The following FAF1 variants were observed in gnomAD, a reference collection of about 807,000 sequenced individuals.
FAF1 encodes the protein Fas associated factor 1.
Under a neutral mutation model 92.5 loss-of-function variants are expected in FAF1, and 25 were observed. The ratio of observed to expected loss-of-function variants is 0.27; its 90% CI spans 0.20 to 0.38. The LOEUF (loss-of-function observed/expected upper bound fraction) is 0.38, where lower values mean the gene tolerates loss of function less well. Ranked by LOEUF, FAF1 falls within the 10% of genes least tolerant of loss-of-function variation. The pLI is 1.00. For synonymous variants in FAF1, 234 were observed against 273.2 expected, an observed-to-expected ratio of 0.86 and a Z score of 1.42; for missense variants, 636 against 793.3, an observed-to-expected ratio of 0.80 and a Z score of 2.38.
At chr1:50,561,060 C>T (rs1572834732) in intron 13 of FAF1, among the ~76,000 whole-genome samples, 2 of 152,172 alleles carry the variant, frequency 1.3e-5, no homozygotes, top group Admixed American at 6.5e-5. Context: ...TCTAGCACTC[C>T]GGGCCTGGGA....
At chr1:50,954,540 ATTTTTTTT>A (rs199964324) in intron 1 of FAF1, among the ~76,000 whole-genome samples, 1 of 120,372 alleles carries the variant, frequency 8.3e-6, no homozygotes, top group Non-Finnish European at 1.7e-5. Flanking sequence ...AAAAATTTTG[ATTTTTTTT>A]TTTTTTTTTT....
chr1:50,676,441 A>C (rs1187110249), intron 7 of FAF1, among the ~76,000 whole-genome samples: 3 of 151,818 alleles, frequency 2.0e-5, no homozygotes, highest in Non-Finnish European at 4.4e-5. Flanking sequence ...AAATGAAACT[A>C]ATTTATTTGC....
At chr1:50,579,411 T>C (rs938165276) in intron 12 of FAF1, among the ~76,000 whole-genome samples, 1 of 152,136 alleles carries the variant, frequency 6.6e-6, no homozygotes, top group Non-Finnish European at 1.5e-5. Flanking sequence ...CTTCAACTAC[T>C]GGTAAGCAGA....
intron 15 of FAF1, among the ~76,000 whole-genome samples, chr1:50,525,039 C>T (rs1647720450): frequency 6.6e-6 from 1 of 152,120 alleles, no homozygotes; most frequent in Non-Finnish European, 1.5e-5. Flanking sequence ...GCACCTGCTA[C>T]CATGCCTGGC....
intron 8 of FAF1, among the ~76,000 whole-genome samples, chr1:50,616,231 A>G (rs973446875): frequency 1.3e-5 from 2 of 152,128 alleles, no homozygotes; most frequent in Non-Finnish European, 2.9e-5. Context: ...TTTTGTATCA[A>G]TACCATGCTA....
intron 15 of FAF1, among the ~76,000 whole-genome samples, chr1:50,505,430 G>T (rs1572792358): frequency 6.6e-6 from 1 of 152,142 alleles, no homozygotes. Context: ...AATTTTGGGG[G>T]TGTGTGTATG....
At chr1:50,674,376 C>G (rs1454911947) in intron 7 of FAF1, among the ~76,000 whole-genome samples, 2 of 151,972 alleles carry the variant, frequency 1.3e-5, no homozygotes, top group Non-Finnish European at 2.9e-5. Flanking sequence ...GTTACTCACA[C>G]TATTCACTTA....
chr1:50,827,499 C>T (rs537413670), intron 2 of FAF1, among the ~76,000 whole-genome samples: 10 of 152,212 alleles, frequency 6.6e-5, no homozygotes, highest in East Asian at 3.9e-4. Context: ...TGCGGAAGGC[C>T]GCAGGGACCT....
intron 8 of FAF1, among the ~76,000 whole-genome samples, chr1:50,621,361 G>A (rs572301496): frequency 5.9e-5 from 9 of 151,714 alleles, no homozygotes; most frequent in East Asian, 1.9e-4. Flanking sequence ...CCAGTCTTAC[G>A]GGGAAGTTAG....
intron 4 of FAF1, among the ~76,000 whole-genome samples, chr1:50,753,906 C>T (rs1398922368): frequency 2.0e-5 from 3 of 151,796 alleles, no homozygotes; most frequent in Admixed American, 6.6e-5. Context: ...TACAGGGGTA[C>T]GCCACCATGC....
intron 13 of FAF1, among the ~76,000 whole-genome samples, chr1:50,559,588 G>T (rs1320843023): frequency 6.6e-6 from 1 of 152,152 alleles, no homozygotes; most frequent in Non-Finnish European, 1.5e-5. Flanking sequence ...TTGTTTGCAG[G>T]GACAATTGCT....
At position 50,485,667 on chromosome 1, in the gene FAF1, C is replaced by CAAAAAA. The variant is rs999538430; in HGVS notation, c.1653+4915_1653+4920dup. Reference sequence around the variant, plus strand: ...CCTGGGCAACAGAGCGAGACTGTCTCAAAAAAAAAAAAAAAAAAAAAAAAA... The same window carrying CAAAAAA: ...CCTGGGCAACAGAGCGAGACTGTCTCAAAAAAAAAAAAAAAAAAAAAAAAAAAAAAA... On this transcript the variant is annotated intron_variant, in intron 17 of 18. Transcript: ENST00000396153. Among the ~76,000 whole-genome samples the CAAAAAA allele has an allele frequency of 3.7e-3, 50 of 13,694 alleles. 2 individuals carry two copies. The highest frequency in any genetic ancestry group is 0.011 in the African/African-American group (46 of 4,254). The allele number at this position is 13,694 out of a possible 152,430, so 9.0% of individuals were successfully genotyped here. A position where few individuals can be genotyped will look rare whatever the true frequency, so the allele number is the denominator to read the frequency against.
At chr1:50,940,824 G>C (rs1216769121) in intron 1 of FAF1, among the ~76,000 whole-genome samples, 1 of 152,166 alleles carries the variant, frequency 6.6e-6, no homozygotes, top group Admixed American at 6.5e-5. Flanking sequence ...ACAACTTGAA[G>C]ATAAGCAGTC....
intron 1 of FAF1, among the ~76,000 whole-genome samples, chr1:50,903,141 AC>A (rs1644809541): frequency 6.8e-6 from 1 of 146,526 alleles, no homozygotes; most frequent in African/African-American, 2.8e-5. Flanking sequence ...AGTGCACAAC[AC>A]AGATACCTGT....
intron 15 of FAF1, among the ~76,000 whole-genome samples, chr1:50,529,733 C>T (rs1054300571): frequency 2.0e-5 from 3 of 152,164 alleles, no homozygotes; most frequent in Non-Finnish European, 4.4e-5. Flanking sequence ...GGGCTTCATC[C>T]ACCTGATTAG....
At chr1:50,654,274 A>C (rs947476535) in intron 8 of FAF1, among the ~76,000 whole-genome samples, 2 of 152,228 alleles carry the variant, frequency 1.3e-5, no homozygotes, top group African/African-American at 4.8e-5. Flanking sequence ...TGATCATTAC[A>C]AGATGTTTAC....
At chr1:50,637,429 G>A (rs1365983617) in intron 8 of FAF1, among the ~76,000 whole-genome samples, 1 of 151,344 alleles carries the variant, frequency 6.6e-6, no homozygotes, top group Non-Finnish European at 1.5e-5. Context: ...CTCCAGCCTA[G>A]GTGACAGAGC....
intron 4 of FAF1, among the ~76,000 whole-genome samples, chr1:50,769,376 C>T (rs924167848): frequency 6.6e-6 from 1 of 152,184 alleles, no homozygotes; most frequent in South Asian, 2.1e-4. Context: ...TAGAGAGGAA[C>T]TGGTATTGTT....
At chr1:50,527,842 T>TCTCTCCCTCTCC (rs1457290127) in intron 15 of FAF1, among the ~76,000 whole-genome samples, 1 of 51,462 alleles carries the variant, frequency 1.9e-5, no homozygotes, top group Non-Finnish European at 4.7e-5. Flanking sequence ...TCTCTCTCTC[T>TCTCTCCCTCTCC]CCCTCTCTCC....
Sources: allele counts gnomAD v4.1 joint callset (sites outside exome capture counted in the v4.1 genomes callset), GRCh38; gene constraint gnomAD v4.1.1; transcripts MANE v1.5; gene names NCBI Gene and HGNC (gene_info 2026-07-23, HGNC 2026-07-21).